The following WDR25 variants were observed in gnomAD, a reference collection of about 807,000 sequenced individuals.
The protein encoded by WDR25 is WD repeat domain 25, also known as WD repeat-containing protein 25.
In WDR25, 35 loss-of-function variants were observed where a neutral mutation model predicts 47.7. The observed-to-expected ratio is 0.73, with a 90% CI of 0.56 to 0.97. The LOEUF is 0.97. WDR25 is among the 50% of genes least tolerant of loss of function. The pLI, the probability that WDR25 is intolerant of heterozygous loss-of-function variation, is 0.00. For missense variants in WDR25, 634 were observed against 704.7 expected (o/e 0.90, Z 1.14); for synonymous variants, 248 against 278.9 (o/e 0.89, Z 1.10).
intron 2 of WDR25, among the ~76,000 whole-genome samples, chr14:100,383,319 G>A (rs948001109): frequency 2.6e-5 from 4 of 152,210 alleles, no homozygotes; most frequent in Admixed American, 6.5e-5. Flanking sequence ...CATCCCTGGC[G>A]TGGATCACAG....
chr14:100,414,818 C>T (rs12878301), intron 2 of WDR25, among the ~76,000 whole-genome samples: 2 of 151,394 alleles, frequency 1.3e-5, no homozygotes, highest in East Asian at 2.0e-4. Context: ...GCAGGAGAAT[C>T]GCGTGAACCC....
At chr14:100,514,163 C>T (rs183554680) in intron 4 of WDR25, among the ~76,000 whole-genome samples, 2,187 of 149,890 alleles carry the variant, frequency 0.015, 58 homozygotes, top group African/African-American at 0.05. Context: ...GTCTCGATCT[C>T]CTGACCTCGT....
intron 4 of WDR25, among the ~76,000 whole-genome samples, chr14:100,516,747 A>C (rs1448727293): frequency 6.6e-6 from 1 of 151,936 alleles, no homozygotes; most frequent in African/African-American, 2.4e-5. Flanking sequence ...TAAGCTATGT[A>C]TTTTATTATA....
At chr14:100,460,034 C>G (rs374962496) in intron 2 of WDR25, among the ~76,000 whole-genome samples, 11 of 149,014 alleles carry the variant, frequency 7.4e-5, no homozygotes, top group South Asian at 6.4e-4. Flanking sequence ...CCATGATTAC[C>G]CTGGTATCAA....
In WDR25 at chr14:100,404,291, C is replaced by T. The variant is rs1897468238; in HGVS notation, c.822+22545C>T. On this transcript the variant is annotated intron_variant, in intron 2 of 6. Transcript: ENST00000402312. The surrounding 1 kb of genome is among the most constrained non-coding windows in gnomAD (Gnocchi z 4.6). ...GAATGGAGTCCAGGGCTGTTTGCTC[C>T]CAAAGTCTATGTTCGTTCCACTCTC... Among the ~76,000 whole-genome samples the T allele has an allele frequency of 6.6e-6, 1 of 152,182 alleles. No homozygotes were observed. The highest frequency in any genetic ancestry group is 2.1e-4 in the South Asian group (1 of 4,832).
intron 2 of WDR25, among the ~76,000 whole-genome samples, chr14:100,387,134 A>G (rs1470457581): frequency 3.3e-5 from 5 of 152,004 alleles, no homozygotes; most frequent in African/African-American, 1.2e-4. Flanking sequence ...CCACCAATTA[A>G]GGTTGTTGCT....
intron 4 of WDR25, among the ~76,000 whole-genome samples, chr14:100,513,132 T>G (rs1901364836): frequency 6.6e-6 from 1 of 152,208 alleles, no homozygotes; most frequent in Admixed American, 6.5e-5. Context: ...TCTATATCCT[T>G]TCTGTTTTTT....
intron 2 of WDR25, among the ~76,000 whole-genome samples, chr14:100,444,560 CCCA>C (rs1898770176): frequency 6.6e-6 from 1 of 151,562 alleles, no homozygotes; most frequent in African/African-American, 2.4e-5. Context: ...GGCCCCAGGC[CCCA>C]GGCCCCAGGC....
At position 100,518,297 on chromosome 14, in the gene WDR25, C is replaced by T. The variant is rs113207086; in HGVS notation, c.1102-7573C>T. ...CTAATTTACCACTTTCAGTATGTTC[C>T]GCTGTTTTCTGGTCTCCATAGTTTC... On this transcript the variant is annotated intron_variant, in intron 4 of 6. Coordinates refer to ENST00000402312, the MANE Select transcript of WDR25 (RefSeq NM_001161476.3). Among the ~76,000 whole-genome samples the T allele has an allele frequency of 2.3e-3, 355 of 152,114 alleles. 2 individuals are homozygous for T. Among genetic ancestry groups the T allele is most frequent in the African/African-American group, 8.2e-3 (341 of 41,492 alleles).
chr14:100,472,256 C>T (rs555908991), intron 3 of WDR25, among the ~76,000 whole-genome samples: 57 of 152,328 alleles, frequency 3.7e-4, no homozygotes, highest in African/African-American at 7.2e-4. Context: ...GTGCATGGGC[C>T]GGCTCTCCTG....
intron 2 of WDR25, among the ~76,000 whole-genome samples, chr14:100,460,377 G>A (rs1407498802): frequency 6.6e-6 from 1 of 152,080 alleles, no homozygotes; most frequent in Non-Finnish European, 1.5e-5. Flanking sequence ...CTCCCAAAGT[G>A]CTGGGATTAC....
intron 2 of WDR25, among the ~76,000 whole-genome samples, chr14:100,450,138 A>G (rs1898977250): frequency 6.6e-6 from 1 of 152,136 alleles, no homozygotes; most frequent in South Asian, 2.1e-4. Context: ...AAAACCATCC[A>G]TTTTACATGG....
At chr14:100,406,428 T>C (rs1243371775) in intron 2 of WDR25, among the ~76,000 whole-genome samples, 1 of 152,226 alleles carries the variant, frequency 6.6e-6, no homozygotes, top group Non-Finnish European at 1.5e-5. Flanking sequence ...GGAGTCACTT[T>C]TAGGCATTTT....
At chr14:100,441,703 A>G (rs778157165) in intron 2 of WDR25, among the ~76,000 whole-genome samples, 14 of 152,116 alleles carry the variant, frequency 9.2e-5, no homozygotes, top group Non-Finnish European at 1.8e-4. Context: ...AAATGGGACA[A>G]TCCTACTTTC....
chr14:100,503,230 G>A (rs910911904), intron 4 of WDR25, among the ~76,000 whole-genome samples: 4 of 152,148 alleles, frequency 2.6e-5, no homozygotes, highest in South Asian at 2.1e-4. Flanking sequence ...CCCCAGTCAC[G>A]CCCAGCATGC....
chr14:100,413,251 A>G (rs1438173829), intron 2 of WDR25, among the ~76,000 whole-genome samples: 1 of 152,192 alleles, frequency 6.6e-6, no homozygotes, highest in African/African-American at 2.4e-5. Context: ...TTATGCAACC[A>G]TCGCTCCAAT....
intron 2 of WDR25, among the ~76,000 whole-genome samples, chr14:100,389,674 C>CA (rs1897095455): frequency 6.6e-6 from 1 of 152,224 alleles, no homozygotes; most frequent in Non-Finnish European, 1.5e-5. Flanking sequence ...TGGCAGAGGA[C>CA]AGCGTACCTT....
Position 100,512,756 on chromosome 14 carries a change from A to G in WDR25, c.1102-13114A>G, listed in dbSNP as rs1432667819. Among the ~76,000 whole-genome samples, 4 of 152,316 alleles carry G rather than the reference A, an allele frequency of 2.6e-5. No homozygotes were observed. The South Asian group carries it at 6.2e-4, about 24-fold the overall frequency. ...ATTTTTCTCTAGGTATTTCAGCTGC[A>G]CTACCCAAGCTGTTGATATATTGCA... On this transcript the variant is annotated intron_variant, in intron 4 of 6. Transcript: ENST00000402312.
At chr14:100,438,385 G>A (rs753715809) in intron 2 of WDR25, among the ~76,000 whole-genome samples, 1 of 152,196 alleles carries the variant, frequency 6.6e-6, no homozygotes, top group African/African-American at 2.4e-5. Flanking sequence ...AAGAAAATGC[G>A]TTCATTGGCA....
Sources: allele counts gnomAD v4.1 joint callset (sites outside exome capture counted in the v4.1 genomes callset), GRCh38; gene constraint gnomAD v4.1.1; non-coding constraint Gnocchi (gnomAD v3.1); transcripts MANE v1.5; gene names NCBI Gene and HGNC (gene_info 2026-07-23, HGNC 2026-07-21).